SMAP1: variants seen among roughly 807,000 people sequenced by gnomAD.
SMAP1 encodes the protein stromal membrane-associated protein 1.
SMAP1 carries 24 observed loss-of-function variants against 58.5 expected under a neutral mutation model. The observed-to-expected ratio is 0.41, with a 90% CI of 0.30 to 0.58. The LOEUF is 0.58. SMAP1 is among the 20% of genes least tolerant of loss of function. SMAP1 has a pLI of 0.29. For missense variants in SMAP1, 563 were observed against 566.3 expected, an observed-to-expected ratio of 0.99 and a Z score of 0.06; for synonymous variants, 216 against 196.6, an observed-to-expected ratio of 1.10 and a Z score of -0.82.
intron 1 of SMAP1, among the ~76,000 whole-genome samples, chr6:70,710,672 A>G (rs1768019961): frequency 6.6e-6 from 1 of 152,074 alleles, no homozygotes; most frequent in Non-Finnish European, 1.5e-5. Context: ...GGCTAGAATA[A>G]ATTGATATTA....
At chr6:70,725,253 A>T (rs1768724913) in intron 1 of SMAP1, among the ~76,000 whole-genome samples, 1 of 151,486 alleles carries the variant, frequency 6.6e-6, no homozygotes, top group African/African-American at 2.4e-5. Context: ...AGTAGCTGGG[A>T]CTACAGGCGC....
intron 1 of SMAP1, among the ~76,000 whole-genome samples, chr6:70,703,496 T>G (rs1767720695): frequency 6.6e-6 from 1 of 152,206 alleles, no homozygotes; most frequent in Non-Finnish European, 1.5e-5. Context: ...TAGCCTGACT[T>G]TTTCAGATCT....
At position 70,777,061 on chromosome 6, in the gene SMAP1, C is replaced by A. The variant is rs552727396; in HGVS notation, c.414+3636C>A. 6.8e-4 allele frequency among the ~76,000 whole-genome samples: 104 copies of A among 152,260 alleles called. 1 individual carries two copies. The South Asian group carries it at 7.7e-3, about 11-fold the overall frequency. On this transcript the variant is annotated intron_variant, in intron 4 of 10. Transcript: ENST00000370455. ...TTCTGTTTTTAATTTTTTGAGAAAC[C>A]TCCATATTATCCATAGTGGCTGTAC...
Position 70,758,370 on chromosome 6 carries a change from T to A in SMAP1, c.338+3305T>A, listed in dbSNP as rs181900610. On this transcript the variant is annotated intron_variant, in intron 3 of 10. Coordinates refer to ENST00000370455, the MANE Select transcript of SMAP1 (RefSeq NM_001044305.3). ...GAATATCACACTCTGGGGACTGTGG[T>A]GGGGTGGGGGGAGGGGGGAGGGATA... Among the ~76,000 whole-genome samples the A allele has an allele frequency of 1.9e-3, 162 of 83,522 alleles. 3 individuals carry two copies. Among genetic ancestry groups the A allele is most frequent in the African/African-American group, 7.6e-3 (159 of 20,820 alleles). 54.8% of individuals were successfully genotyped at this position (83,522 alleles called of 152,430 possible).
At chr6:70,777,757 GTT>G in intron 4 of SMAP1, among the ~76,000 whole-genome samples, 1 of 144,564 alleles carries the variant, frequency 6.9e-6, no homozygotes, top group Non-Finnish European at 1.5e-5. Context: ...TCATTATTAA[GTT>G]TTTTTTTTTT....
chr6:70,826,282 A>G (rs2149987151), intron 6 of SMAP1, among the ~76,000 whole-genome samples: 1 of 152,372 alleles, frequency 6.6e-6, no homozygotes, highest in South Asian at 2.1e-4. Flanking sequence ...CAAACTAGGG[A>G]ACCAGGAGAT....
intron 1 of SMAP1, among the ~76,000 whole-genome samples, chr6:70,686,004 C>CA (rs1766923000): frequency 6.6e-6 from 1 of 152,228 alleles, no homozygotes; most frequent in African/African-American, 2.4e-5. Flanking sequence ...CACCTGGGCT[C>CA]AAATGATCTT....
chr6:70,833,297 T>C (rs765369935), intron 6 of SMAP1, among the ~76,000 whole-genome samples: 9 of 152,220 alleles, frequency 5.9e-5, no homozygotes, highest in Non-Finnish European at 1.2e-4. Context: ...CTTTCACTAA[T>C]ATATATGAAG....
chr6:70,766,672 A>G (rs1767002820), intron 3 of SMAP1, among the ~76,000 whole-genome samples: 1 of 152,138 alleles, frequency 6.6e-6, no homozygotes, highest in Non-Finnish European at 1.5e-5. Context: ...ATAGGTTGCA[A>G]AAATTTTCTC....
At position 70,695,265 on chromosome 6, in the gene SMAP1, G is replaced by T. The variant is rs781970; in HGVS notation, c.118+27124G>T. Among the ~76,000 whole-genome samples, 599 of 152,216 alleles carry T rather than the reference G, an allele frequency of 3.9e-3. 3 individuals carry two copies. The highest frequency in any genetic ancestry group is 0.014 in the African/African-American group (583 of 41,552). ...TGACTTTTTCCTTTCCAAATTGGAT[G>T]CCCTTTCTTTCTCTTGTCTGATTGC... On this transcript the variant is annotated intron_variant, in intron 1 of 10. Transcript: ENST00000370455.
intron 1 of SMAP1, among the ~76,000 whole-genome samples, chr6:70,705,887 T>C (rs558883188): frequency 6.6e-6 from 1 of 152,270 alleles, no homozygotes; most frequent in South Asian, 2.1e-4. Flanking sequence ...GCCATAAGCG[T>C]CTGATTGATA....
intron 6 of SMAP1, among the ~76,000 whole-genome samples, chr6:70,819,750 T>C (rs1172195181): frequency 6.6e-6 from 1 of 152,216 alleles, no homozygotes; most frequent in African/African-American, 2.4e-5. Context: ...CAGTGTTATT[T>C]CCAAGATTTC....
intron 3 of SMAP1, among the ~76,000 whole-genome samples, chr6:70,757,686 A>C (rs1376481797): frequency 2.6e-5 from 4 of 152,124 alleles, no homozygotes; most frequent in East Asian, 3.9e-4. Flanking sequence ...AAAAACAAAC[A>C]ACCCCATCAA....
intron 3 of SMAP1, among the ~76,000 whole-genome samples, chr6:70,770,973 G>A (rs1478439674): frequency 1.3e-5 from 2 of 152,170 alleles, no homozygotes; most frequent in Non-Finnish European, 2.9e-5. Flanking sequence ...TAACAGACAG[G>A]ACCCTCAGCT....
intron 2 of SMAP1, among the ~76,000 whole-genome samples, chr6:70,748,823 C>T (rs943639821): frequency 6.6e-6 from 1 of 152,076 alleles, no homozygotes; most frequent in African/African-American, 2.4e-5. Flanking sequence ...AGTTGCCCTC[C>T]ATAGAAGTAA....
intron 4 of SMAP1, among the ~76,000 whole-genome samples, chr6:70,791,390 CT>C (rs1768344459): frequency 6.6e-6 from 1 of 152,060 alleles, no homozygotes. Flanking sequence ...ATGAGAGAAG[CT>C]TAATTATTTT....
At chr6:70,850,640 C>T (rs992541678) in intron 7 of SMAP1, among the ~76,000 whole-genome samples, 6 of 152,022 alleles carry the variant, frequency 3.9e-5, no homozygotes, top group Admixed American at 1.3e-4. Context: ...TAATTGATGA[C>T]GATGTTTGCC....
rs1042200966 is a variant in SMAP1 at position 70,854,779 on chromosome 6, C to G, written c.790-2080C>G. Among the ~76,000 whole-genome samples the G allele has an allele frequency of 5.3e-5, 8 of 152,190 alleles. No homozygotes were observed. The South Asian group carries it at 1.7e-3, about 32-fold the overall frequency. On this transcript the variant is annotated intron_variant, in intron 8 of 10. Transcript: ENST00000370455. ...AAGTTGAGCTCAAACTAGTTGTGGA[C>G]ACCAAGATTTTGAATTCTTCTGAAC...
Position 70,668,048 on chromosome 6 carries a change from A to G in SMAP1, c.25A>G (p.Lys9Glu). 1 of 1,601,594 alleles carries G rather than the reference A, an allele frequency of 6.2e-7. No individual in the cohort carries two copies. The highest frequency in any genetic ancestry group is 1.4e-5 in the African/African-American group (1 of 73,174). The change falls in exon 1 of 11, where the codon AAG becomes GAG. Residue 9 changes from lysine (K) to glutamate (E), a missense_variant. Coordinates refer to ENST00000370455, the MANE Select transcript of SMAP1 (RefSeq NM_001044305.3). The stretch of plus-strand genomic sequence containing the variant: ...GATGGCGACGCGCTCCTGTCGGGAG[A>G]AGGCTCAGAAGCTGAACGAGCAGCA... MATRSCREKAQKLNEQHQL... is the reference protein window; with the variant it reads MATRSCREEAQKLNEQHQL...
Sources: allele counts gnomAD v4.1 joint callset (sites outside exome capture counted in the v4.1 genomes callset), GRCh38; gene constraint gnomAD v4.1.1; transcripts MANE v1.5; gene names NCBI Gene and HGNC (gene_info 2026-07-23, HGNC 2026-07-21).